Variants in PCIF1 observed in about 807,000 individuals in gnomAD.
PCIF1 encodes the protein phosphorylated CTD interacting factor 1.
Under a neutral mutation model 86.9 loss-of-function variants are expected in PCIF1, and 12 were observed. That is an observed-to-expected ratio of 0.14 (90% confidence interval 0.09 to 0.22). The LOEUF (loss-of-function observed/expected upper bound fraction) is 0.22. Ranked by LOEUF, PCIF1 falls within the 10% of genes least tolerant of loss-of-function variation. PCIF1 has a pLI of 1.00. For missense variants in PCIF1, 701 were observed against 951.1 expected, an observed-to-expected ratio of 0.74 and a Z score of 3.46; for synonymous variants, 397 against 372.0, an observed-to-expected ratio of 1.07 and a Z score of -0.77.
chr20:45,946,008 C>G, intron 12 of PCIF1, 21 bp from the exon 13 acceptor site: 6 of 1,613,948 alleles, frequency 3.7e-6, no homozygotes, highest in Non-Finnish European at 5.1e-6. Flanking sequence ...GAAGGCTCCT[C>G]CTCTCTGTCC....
chr20:45,943,879 G>A lies in PCIF1; in HGVS notation c.1005+114G>A. 1 of 770,576 alleles carries A rather than the reference G, an allele frequency of 1.3e-6. No homozygotes were observed. Among genetic ancestry groups the A allele is most frequent in the Non-Finnish European group, 2.1e-6 (1 of 468,900 alleles). The allele number at this position is 770,576 out of a possible 1,614,324, so 47.7% of individuals were successfully genotyped here. A position where few individuals can be genotyped will look rare whatever the true frequency, so the allele number is the denominator to read the frequency against. ...AGGCCTCCCCCAGCGGCCTATTCTT[G>A]TGCAGTATGGCAGACGTTCGACATT... On this transcript the variant is annotated intron_variant, in intron 10 of 16. Coordinates refer to ENST00000372409, the MANE Select transcript of PCIF1 (RefSeq NM_022104.4). This position sits in a 1 kb window ranked among gnomAD's most constrained non-coding sequence, Gnocchi z 5.5.
chr20:45,940,037 C>G (rs932947352), intron 4 of PCIF1, among the ~76,000 whole-genome samples: 1 of 152,218 alleles, frequency 6.6e-6, no homozygotes, highest in African/African-American at 2.4e-5. Context: ...CTACTCACCA[C>G]CATGCATTCT....
intron 7 of PCIF1, 120 bp downstream of exon 7, chr20:45,941,327 G>A: frequency 8.5e-7 from 1 of 1,176,696 alleles, no homozygotes; most frequent in East Asian, 2.4e-5. Flanking sequence ...GATCACACCA[G>A]TGCACTCCAG....
At chr20:45,934,858 A>T in intron 1 of PCIF1, 54 bp downstream of exon 1, 1 of 397,998 alleles carries the variant, frequency 2.5e-6, no homozygotes, top group Non-Finnish European at 4.4e-6. Context: ...GGGTCTGGGG[A>T]TCCGAAGCTG....
chr20:45,944,105 G>C (rs927295653), intron 10 of PCIF1, among the ~76,000 whole-genome samples: 1 of 152,004 alleles, frequency 6.6e-6, no homozygotes, highest in Non-Finnish European at 1.5e-5. Flanking sequence ...TTTTGGGTGT[G>C]TGTGTTCATA....
At chr20:45,940,744 A>C (rs1444274607) in intron 5 of PCIF1, 65 bp from the exon 6 acceptor site, 3 of 1,593,410 alleles carry the variant, frequency 1.9e-6, no homozygotes. Context: ...CCAGGTGTGC[A>C]CTGTATTGGA....
chr20:45,935,770 C>T (rs1050566769), intron 1 of PCIF1, among the ~76,000 whole-genome samples: 2 of 152,124 alleles, frequency 1.3e-5, no homozygotes, highest in African/African-American at 4.8e-5. Context: ...GTGTGCCTCA[C>T]CTCCGTATTT....
Position 45,940,855 on chromosome 20 carries a change from C to T in PCIF1, c.434C>T (p.Pro145Leu). The change falls in exon 6 of 17, where the codon CCC (proline) becomes CTC (leucine). Residue 145 changes from proline to leucine, a missense_variant. Around this residue, in one of 7 missense-constraint regions of PCIF1, gnomAD observed 125 missense variants for 126.8 expected, o/e 0.99. Transcript: ENST00000372409. ...ACAGGCCAGTCGGTGCCCAGCTCCC[C>T]CAGTATCCCAGGAACCCCAACGCTG... ...TPTGQSVPSS[P>L]SIPGTPTLKM... 1 of 1,614,154 alleles carries T rather than the reference C, an allele frequency of 6.2e-7. No individual in the cohort carries two copies. Among genetic ancestry groups the T allele is most frequent in the Non-Finnish European group, 8.5e-7 (1 of 1,180,018 alleles).
chr20:45,947,933 A>C lies in PCIF1; in HGVS notation c.*178A>C, dbSNP rs2083550409. On this transcript the variant is annotated 3_prime_UTR_variant, in exon 17 of 17. Transcript: ENST00000372409. This position sits in a 1 kb window ranked among gnomAD's most constrained non-coding sequence, Gnocchi z 5.4. ...CTCAAACTCCCTCCAAGTCCCATGTATATAGGTCCTGATGCCTTCCCAACC... is the reference window on the plus strand; with the variant it reads ...CTCAAACTCCCTCCAAGTCCCATGTCTATAGGTCCTGATGCCTTCCCAACC... 6.5e-7 allele frequency: 1 copy of C among 1,533,330 alleles called. No individual in the cohort carries two copies. 95.0% of individuals were successfully genotyped at this position (1,533,330 alleles called of 1,614,324 possible). A position where few individuals can be genotyped will look rare whatever the true frequency, so the allele number is the denominator to read the frequency against.
intron 1 of PCIF1, among the ~76,000 whole-genome samples, chr20:45,937,066 G>A (rs190186791): frequency 2.1e-3 from 324 of 152,306 alleles, no homozygotes; most frequent in African/African-American, 7.3e-3. Flanking sequence ...GGGTACTTCA[G>A]TTGGCAGGAC....
At chr20:45,938,909 T>C (rs2083446929) in intron 2 of PCIF1, 72 bp from the exon 3 acceptor site, 2 of 1,571,636 alleles carry the variant, frequency 1.3e-6, no homozygotes, top group South Asian at 2.4e-5. Context: ...GGGTGGTCAC[T>C]GGGGCCCTGG....
At position 45,942,788 on chromosome 20, in the gene PCIF1, T is replaced by TTTTTTTTTTTTTTC. The variant is rs745379436; in HGVS notation, c.674-304_674-303insTTTTTTTTCTTTTT. On this transcript the variant is annotated intron_variant, in intron 7 of 16. Transcript: ENST00000372409. ...TTTCTTTTTTTTTTTTTTTTTTTTT[T>TTTTTTTTTTTTTTC]TTTTTGTAGAGACAGGCTGTTACTG... Among the ~76,000 whole-genome samples the TTTTTTTTTTTTTTC allele has an allele frequency of 5.0e-5, 7 of 140,708 alleles. 1 individual carries two copies. Among genetic ancestry groups the TTTTTTTTTTTTTTC allele is most frequent in the Admixed American group, 1.4e-4 (2 of 14,070 alleles). 92.3% of individuals were successfully genotyped at this position (140,708 alleles called of 152,430 possible).
chr20:45,945,673 TGAG>T, intron 11 of PCIF1, 35 bp from the exon 12 acceptor site: 2 of 1,599,954 alleles, frequency 1.3e-6, no homozygotes, highest in East Asian at 4.5e-5. Context: ...AGCGTGAGAA[TGAG>T]GAGTGTGGTC....
chr20:45,940,765 C>G, intron 5 of PCIF1, 44 bp from the exon 6 acceptor site: 1 of 1,604,818 alleles, frequency 6.2e-7, no homozygotes, highest in Non-Finnish European at 8.5e-7. Context: ...TGGAGCCTCT[C>G]TGGTGAATCT....
At position 45,943,569 on chromosome 20, in the gene PCIF1, T is replaced by A; in HGVS notation, c.906-97T>A. The A allele has an allele frequency of 7.3e-7, 1 of 1,369,266 alleles. No homozygotes were observed. Among genetic ancestry groups the A allele is most frequent in the Non-Finnish European group, 1.0e-6 (1 of 987,956 alleles). The allele number at this position is 1,369,266 out of a possible 1,614,324, so 84.8% of individuals were successfully genotyped here. Reference sequence around the variant, plus strand: ...CCCAAAGGCAGAACAAGGGCTGTGATGGAAGCTAGGGGTTGATACCCAGCG... The same window carrying A: ...CCCAAAGGCAGAACAAGGGCTGTGAAGGAAGCTAGGGGTTGATACCCAGCG... On this transcript the variant is annotated intron_variant, in intron 9 of 16. Transcript: ENST00000372409. This position sits in a 1 kb window ranked among gnomAD's most constrained non-coding sequence, Gnocchi z 5.5.
At chr20:45,942,698 T>C (rs908924730) in intron 7 of PCIF1, among the ~76,000 whole-genome samples, 1 of 151,030 alleles carries the variant, frequency 6.6e-6, no homozygotes, top group East Asian at 1.9e-4. Flanking sequence ...CACAGCAGCT[T>C]CAGCCACCCG....
In PCIF1 at chr20:45,939,584, C is replaced by A. The variant is rs562617349; in HGVS notation, c.249+245C>A. ...TGCTGTGCCGCGAGGCAGGAATGAACAAGGCAGACTTGCTCCCTACGGTCG... is the reference window on the plus strand; with the variant it reads ...TGCTGTGCCGCGAGGCAGGAATGAAAAAGGCAGACTTGCTCCCTACGGTCG... On this transcript the variant is annotated intron_variant, in intron 4 of 16. Coordinates refer to ENST00000372409, the MANE Select transcript of PCIF1 (RefSeq NM_022104.4). Among the ~76,000 whole-genome samples, 47 of 152,382 alleles carry A rather than the reference C, an allele frequency of 3.1e-4. No individual in the cohort carries two copies. The East Asian group carries it at 8.5e-3, about 27-fold the overall frequency.
At chr20:45,936,519 C>G (rs997376975) in intron 1 of PCIF1, among the ~76,000 whole-genome samples, 1 of 150,244 alleles carries the variant, frequency 6.7e-6, no homozygotes, top group Non-Finnish European at 1.5e-5. Context: ...GAGGTCTTGC[C>G]CTGTCACCCA....
At position 45,941,218 on chromosome 20, in the gene PCIF1, C is replaced by T. The variant is rs1272544215; in HGVS notation, c.673+11C>T. On this transcript the variant is annotated intron_variant, in intron 7 of 16. Coordinates refer to ENST00000372409, the MANE Select transcript of PCIF1 (RefSeq NM_022104.4). The stretch of plus-strand genomic sequence containing the variant: ...GCCAGCAGCGAGAGGGTACCTGCCT[C>T]TGGGCTGCAGCCTCCTTTATTTCCA... The T allele has an allele frequency of 2.5e-6, 4 of 1,586,868 alleles. No homozygotes were observed. The highest frequency in any genetic ancestry group is 3.4e-6 in the Non-Finnish European group (4 of 1,165,282).
Sources: allele counts gnomAD v4.1 joint callset (sites outside exome capture counted in the v4.1 genomes callset), GRCh38; gene constraint gnomAD v4.1.1; regional missense constraint gnomAD v4.1.1; non-coding constraint Gnocchi (gnomAD v3.1); transcripts MANE v1.5; gene names NCBI Gene and HGNC (gene_info 2026-07-23, HGNC 2026-07-21).